The following FGGY variants were observed in gnomAD, a reference collection of about 807,000 sequenced individuals.
FGGY encodes FGGY carbohydrate kinase domain containing.
In FGGY, 72 loss-of-function variants were observed where a neutral mutation model predicts 71.3. That is an observed-to-expected ratio of 1.01 (90% CI 0.84 to 1.23). The LOEUF (loss-of-function observed/expected upper bound fraction) is 1.23. Among genes scored for constraint, FGGY ranks in the 50% most tolerant of loss-of-function variants. The pLI, the probability that FGGY is intolerant of heterozygous loss-of-function variation, is 0.00. For missense variants in FGGY, 668 were observed against 682.3 expected, an observed-to-expected ratio of 0.98 and a Z score of 0.23; for synonymous variants, 251 against 250.3, an observed-to-expected ratio of 1.00 and a Z score of -0.02.
chr1:59,355,404 AATACTGGTACACTGTTCATGG>A (rs1433056652), intron 4 of FGGY, among the ~76,000 whole-genome samples: 1 of 152,232 alleles, frequency 6.6e-6, no homozygotes, highest in Non-Finnish European at 1.5e-5. Flanking sequence ...AGAAAACATT[AATACTGGTACACTGTTCATGG>A]TTGGAAGAGT....
intron 2 of FGGY, among the ~76,000 whole-genome samples, chr1:59,337,227 A>G (rs924017153): frequency 6.6e-6 from 1 of 152,044 alleles, no homozygotes; most frequent in Non-Finnish European, 1.5e-5. Context: ...AATAAGTCTG[A>G]GGGTGAAGGC....
chr1:59,468,418 C>G lies in FGGY; in HGVS notation c.670+11342C>G, dbSNP rs147819126. On this transcript the variant is annotated intron_variant, in intron 6 of 15. Transcript: ENST00000303721. The stretch of plus-strand genomic sequence containing the variant: ...ATTCCTGTAGCAAATCTCTCAGAGA[C>G]TTTTCTATCTTAGGAAATATCACAG... 1.5e-4 allele frequency among the ~76,000 whole-genome samples: 23 copies of G among 152,256 alleles called. No individual in the cohort carries two copies. The East Asian group carries it at 4.2e-3, about 28-fold the overall frequency.
intron 5 of FGGY, among the ~76,000 whole-genome samples, chr1:59,392,685 T>A (rs1398688759): frequency 6.6e-6 from 1 of 152,146 alleles, no homozygotes; most frequent in African/African-American, 2.4e-5. Context: ...TCCTCCTTTT[T>A]CTCCTTTACT....
At chr1:59,463,501 A>G (rs2092400264) in intron 6 of FGGY, among the ~76,000 whole-genome samples, 1 of 152,234 alleles carries the variant, frequency 6.6e-6, no homozygotes, top group Non-Finnish European at 1.5e-5. Flanking sequence ...GATCAAATTC[A>G]CACATAACAA....
intron 1 of FGGY, among the ~76,000 whole-genome samples, chr1:59,319,676 T>C (rs2046046543): frequency 6.6e-6 from 1 of 151,940 alleles, no homozygotes; most frequent in Admixed American, 6.6e-5. Context: ...CTGGGGGCAA[T>C]TGAGAGCTTA....
chr1:59,490,734 A>G lies in FGGY; in HGVS notation c.671-21577A>G, dbSNP rs979453819. Among the ~76,000 whole-genome samples, 7 of 152,204 alleles carry G rather than the reference A, an allele frequency of 4.6e-5. 3 individuals are homozygous for G. Reference sequence around the variant, plus strand: ...TGGGAGTCTAACTTCATTCTTCTGCACATAGATATCCAGTTTTCTGAGCAC... The same window carrying G: ...TGGGAGTCTAACTTCATTCTTCTGCGCATAGATATCCAGTTTTCTGAGCAC... On this transcript the variant is annotated intron_variant, in intron 6 of 15. Transcript: ENST00000303721.
At chr1:59,439,803 T>C (rs974463870) in intron 5 of FGGY, among the ~76,000 whole-genome samples, 1 of 152,224 alleles carries the variant, frequency 6.6e-6, no homozygotes, top group Non-Finnish European at 1.5e-5. Flanking sequence ...TTTTGTTCTA[T>C]ATTTCCAAAC....
Position 59,335,085 on chromosome 1 carries a change from A to G in FGGY, c.202-4873A>G, listed in dbSNP as rs557429380. On this transcript the variant is annotated intron_variant, in intron 2 of 15. Transcript: ENST00000303721. ...TTAAAAGTATTTAACAGCTTGATGT[A>G]TGATTTATATATCATAAAATCCAGC... Among the ~76,000 whole-genome samples, 4 of 152,296 alleles carry G rather than the reference A, an allele frequency of 2.6e-5. No individual in the cohort carries two copies. In the South Asian group the frequency reaches 6.2e-4, roughly 24 times the overall value.
At chr1:59,604,941 G>T (rs761253087) in intron 8 of FGGY, among the ~76,000 whole-genome samples, 1 of 152,178 alleles carries the variant, frequency 6.6e-6, no homozygotes, top group Admixed American at 6.5e-5. Context: ...GAATTGGCAC[G>T]TGATAAAATT....
At chr1:59,576,084 A>T (rs1437413807) in intron 8 of FGGY, among the ~76,000 whole-genome samples, 1 of 152,200 alleles carries the variant, frequency 6.6e-6, no homozygotes, top group African/African-American at 2.4e-5. Flanking sequence ...GATAAAAAGC[A>T]TTCTCACATG....
chr1:59,751,316 G>A (rs1296961769), intron 14 of FGGY, among the ~76,000 whole-genome samples: 3 of 152,142 alleles, frequency 2.0e-5, no homozygotes, highest in East Asian at 1.9e-4. Context: ...CAGTAAAATG[G>A]CAATGGCAGT....
At chr1:59,469,881 G>A (rs1190668925) in intron 6 of FGGY, among the ~76,000 whole-genome samples, 1 of 152,252 alleles carries the variant, frequency 6.6e-6, no homozygotes, top group East Asian at 1.9e-4. Context: ...TAGTTGCTAA[G>A]AATGATGGCC....
chr1:59,453,516 C>A (rs1557974241), intron 5 of FGGY, among the ~76,000 whole-genome samples: 1 of 152,148 alleles, frequency 6.6e-6, no homozygotes, highest in Non-Finnish European at 1.5e-5. Context: ...CTAGGTGATC[C>A]TTCTGGTCTC....
At chr1:59,590,062 G>A (rs2096399328) in intron 8 of FGGY, among the ~76,000 whole-genome samples, 1 of 152,096 alleles carries the variant, frequency 6.6e-6, no homozygotes, top group Non-Finnish European at 1.5e-5. Flanking sequence ...AAGAAGAAAA[G>A]AGAGAAGAAT....
chr1:59,626,810 G>T (rs750879650), intron 10 of FGGY: 1 of 151,856 alleles, frequency 6.6e-6, no homozygotes, highest in African/African-American at 2.4e-5. Context: ...AGCAGAGATC[G>T]TGCCACTGCA....
intron 8 of FGGY, among the ~76,000 whole-genome samples, chr1:59,593,143 A>G (rs765518314): frequency 6.6e-6 from 1 of 152,198 alleles, no homozygotes; most frequent in African/African-American, 2.4e-5. Context: ...CTGTGACCAC[A>G]AGAACCGTCA....
chr1:59,355,569 G>A (rs1395789511), intron 4 of FGGY, among the ~76,000 whole-genome samples: 2 of 150,030 alleles, frequency 1.3e-5, no homozygotes, highest in African/African-American at 2.5e-5. Flanking sequence ...TTTCTTTTTG[G>A]GCTTATTTTC....
intron 6 of FGGY, among the ~76,000 whole-genome samples, chr1:59,496,927 AC>A (rs1475755972): frequency 6.6e-6 from 1 of 152,192 alleles, no homozygotes; most frequent in African/African-American, 2.4e-5. Context: ...ATACCTTTTA[AC>A]ATCTTTTTAA....
chr1:59,520,434 T>C (rs146506230), intron 7 of FGGY, among the ~76,000 whole-genome samples: 12 of 152,316 alleles, frequency 7.9e-5, no homozygotes, highest in African/African-American at 2.9e-4. Context: ...TTGTTACTCA[T>C]CCATCAGCAC....
Sources: allele counts gnomAD v4.1 joint callset (sites outside exome capture counted in the v4.1 genomes callset), GRCh38; gene constraint gnomAD v4.1.1; transcripts MANE v1.5; gene names NCBI Gene and HGNC (gene_info 2026-07-23, HGNC 2026-07-21).